ATP10D: variants seen among roughly 807,000 people sequenced by gnomAD.
The protein encoded by ATP10D is ATPase phospholipid transporting 10D (putative), also known as phospholipid-transporting ATPase VD.
In ATP10D, 89 loss-of-function variants were observed where a neutral mutation model predicts 144.8. The observed-to-expected ratio is 0.61, with a 90% CI of 0.52 to 0.73. ATP10D has a LOEUF of 0.73. ATP10D is among the 30% of genes least tolerant of loss of function. The probability of loss-of-function intolerance (pLI) is 0.00; values close to 1 mark genes in which losing one functional copy is unlikely to be tolerated. For synonymous variants in ATP10D, 571 were observed against 615.1 expected, an observed-to-expected ratio of 0.93 and a Z score of 1.06; for missense variants, 1,603 against 1,714.8, an observed-to-expected ratio of 0.93 and a Z score of 1.15.
At chr4:47,561,990 T>C (rs1719341311) in intron 14 of ATP10D, among the ~76,000 whole-genome samples, 1 of 152,184 alleles carries the variant, frequency 6.6e-6, no homozygotes, top group African/African-American at 2.4e-5. Context: ...CCCTAAGTGA[T>C]TTCTCTGTGA....
intron 3 of ATP10D, among the ~76,000 whole-genome samples, chr4:47,520,219 A>T (rs1260814527): frequency 6.6e-6 from 1 of 152,178 alleles, no homozygotes; most frequent in African/African-American, 2.4e-5. Context: ...GAAAGTAGAG[A>T]GCAGTAAGCA....
intron 9 of ATP10D, among the ~76,000 whole-genome samples, chr4:47,540,912 T>A (rs1233621707): frequency 6.6e-6 from 1 of 152,218 alleles, no homozygotes; most frequent in Non-Finnish European, 1.5e-5. Flanking sequence ...TCCATCAATT[T>A]GGGCTTGTCC....
rs746477757 is a variant in ATP10D at position 47,572,989 on chromosome 4, A to C, written c.3358A>C (p.Lys1120Gln). ...LSNMILYFFYKNVAYVNLLFW... is the reference protein window; with the variant it reads ...LSNMILYFFYQNVAYVNLLFW... ...CAACATGATTCTCTATTTTTTCTAT[A>C]AGAATGTGGTATGTAACCCCAGAGA... Residue 1120 changes from lysine (K) to glutamine (Q), a missense_variant, in exon 18 of 23, where the codon AAG becomes CAG. Physicochemically the swap from Lys to Gln is moderately conservative, Grantham distance 53. Coordinates refer to ENST00000273859, the MANE Select transcript of ATP10D (RefSeq NM_020453.4). 6 of 1,613,926 alleles carry C rather than the reference A, an allele frequency of 3.7e-6. No individual in the cohort carries two copies. The highest frequency in any genetic ancestry group is 5.1e-6 in the Non-Finnish European group (6 of 1,179,934).
At chr4:47,557,643 T>G (rs756992985) in intron 11 of ATP10D, 21 bp from the exon 12 acceptor site, 1 of 1,576,192 alleles carries the variant, frequency 6.3e-7, no homozygotes, top group Admixed American at 1.8e-5. Context: ...TATTGAGACC[T>G]TTCTAAATTG....
intron 9 of ATP10D, among the ~76,000 whole-genome samples, chr4:47,539,579 G>A (rs1718027268): frequency 6.6e-6 from 1 of 152,144 alleles, no homozygotes; most frequent in Non-Finnish European, 1.5e-5. Context: ...GCATCGCAGT[G>A]TGATTTTACT....
chr4:47,490,941 TCAGTCAGAAG>T, intron 1 of ATP10D: 5 of 507,024 alleles, frequency 9.9e-6, no homozygotes, highest in African/African-American at 2.0e-5. Context: ...TTTTTTTTTT[TCAGTCAGAAG>T]TCTTTTATTT....
Position 47,557,998 on chromosome 4 carries a change from A to G in ATP10D, c.2159A>G (p.Asn720Ser), listed in dbSNP as rs34169638. 109,312 of 1,613,968 alleles carry G rather than the reference A, an allele frequency of 0.068. 4,419 individuals carry two copies. The highest frequency in any genetic ancestry group is 0.18 in the East Asian group (8,202 of 44,850). Reference protein sequence around the residue: ...ESLPGQPLACNLCYEAESPDE... With the variant: ...ESLPGQPLACSLCYEAESPDE... ...CTCCCTGGACAGCCATTGGCCTGCA[A>G]CCTGTGTTATGAGGCCGAGAGCCCA... The change falls in exon 12 of 23, where the codon AAC becomes AGC. Residue 720 changes from asparagine (N) to serine (S), a missense_variant. Asn to Ser is a conservative substitution (Grantham distance 46, BLOSUM62 1). Coordinates refer to ENST00000273859, the MANE Select transcript of ATP10D (RefSeq NM_020453.4).
intron 4 of ATP10D, 121 bp downstream of exon 4, chr4:47,523,337 C>A: frequency 1.2e-6 from 1 of 822,202 alleles, no homozygotes; most frequent in Non-Finnish European, 1.9e-6. Context: ...GAAATAGAAT[C>A]CCAGAAGGTT....
chr4:47,509,803 T>C (rs1264893515), intron 1 of ATP10D, among the ~76,000 whole-genome samples: 2 of 152,160 alleles, frequency 1.3e-5, no homozygotes, highest in Non-Finnish European at 2.9e-5. Flanking sequence ...TTTACCAACA[T>C]GTACACTAAC....
intron 10 of ATP10D, 189 bp downstream of exon 10, chr4:47,547,051 A>T: frequency 1.7e-6 from 1 of 604,996 alleles, no homozygotes; most frequent in Non-Finnish European, 2.9e-6. Flanking sequence ...GTCTACTTTT[A>T]AAAAATAACT....
At chr4:47,514,006 A>C (rs960058754) in intron 2 of ATP10D, among the ~76,000 whole-genome samples, 2 of 152,224 alleles carry the variant, frequency 1.3e-5, no homozygotes, top group African/African-American at 4.8e-5. Flanking sequence ...AGGAGTAAAA[A>C]AGATGATGTG....
intron 1 of ATP10D, among the ~76,000 whole-genome samples, chr4:47,512,234 A>G (rs1217334561): frequency 6.6e-6 from 1 of 152,220 alleles, no homozygotes; most frequent in East Asian, 1.9e-4. Context: ...GACTTGCACA[A>G]ATTAAGCCCA....
At chr4:47,541,125 A>T (rs1172424703) in intron 9 of ATP10D, among the ~76,000 whole-genome samples, 1 of 152,158 alleles carries the variant, frequency 6.6e-6, no homozygotes, top group Non-Finnish European at 1.5e-5. Flanking sequence ...TATCTATCTC[A>T]TTGGATGGTT....
chr4:47,519,206 C>T (rs1716826752), intron 3 of ATP10D, among the ~76,000 whole-genome samples: 2 of 152,190 alleles, frequency 1.3e-5, no homozygotes, highest in South Asian at 2.1e-4. Flanking sequence ...ACATTCCCCA[C>T]CCTTCATTCT....
intron 22 of ATP10D, among the ~76,000 whole-genome samples, chr4:47,588,567 C>A (rs1020719323): frequency 6.6e-6 from 1 of 152,142 alleles, no homozygotes; most frequent in African/African-American, 2.4e-5. Flanking sequence ...TACTATCCAG[C>A]CCTTTACAGA....
At position 47,587,186 on chromosome 4, in the gene ATP10D, G is replaced by A. The variant is rs1316874; in HGVS notation, c.3921G>A (p.Thr1307=). The stretch of plus-strand genomic sequence containing the variant: ...TCTACTTAGTTTGTATCCTCACGAC[G>A]TCCATTGCTCTTCTGCCCAGGTATG... ...PVFYLVCILT[T]SIALLPRFVY... is the part of the protein sequence containing the mutation. The change falls in exon 22 of 23, where the codon ACG becomes ACA. Residue 1307 remains threonine, a synonymous_variant. Coordinates refer to ENST00000273859, the MANE Select transcript of ATP10D (RefSeq NM_020453.4). 168,856 of 1,612,644 alleles carry A rather than the reference G, an allele frequency of 0.1. 12,814 individuals are homozygous for A. Among genetic ancestry groups the A allele is most frequent in the East Asian group, 0.48 (21,476 of 44,838 alleles).
intron 17 of ATP10D, 148 bp from the exon 18 acceptor site, chr4:47,572,724 C>A: frequency 1.0e-6 from 1 of 956,440 alleles, no homozygotes; most frequent in Non-Finnish European, 1.6e-6. Context: ...AGCTCATAAT[C>A]CAAAAAACTG....
chr4:47,556,420 C>A (rs191093410), intron 11 of ATP10D, among the ~76,000 whole-genome samples: 168 of 152,248 alleles, frequency 1.1e-3, no homozygotes, highest in Non-Finnish European at 1.4e-3. Flanking sequence ...TTCTTTTCCC[C>A]AAAAAATATT....
chr4:47,591,200 C>A lies in ATP10D; in HGVS notation c.4100C>A (p.Ser1367Ter), dbSNP rs759845867. The change falls in exon 23 of 23, where the codon TCA (serine) becomes TAA (stop). Residue 1367 changes from serine to a stop codon, truncating the protein, a stop_gained. Coordinates refer to ENST00000273859, the MANE Select transcript of ATP10D (RefSeq NM_020453.4). LOFTEE classifies it low-confidence loss of function (END_TRUNC). Reference protein sequence around the residue: ...NQVTSKYANQSAGKSGRRPMP... With the variant: ...NQVTSKYANQ ...GTGACATCAAAGTATGCTAACCAATCAGCTGGCAAGTCAGGAAGAAGACCC... is the reference window on the plus strand; with the variant it reads ...GTGACATCAAAGTATGCTAACCAATAAGCTGGCAAGTCAGGAAGAAGACCC... 29 of 1,613,590 alleles carry A rather than the reference C, an allele frequency of 1.8e-5. No individual in the cohort carries two copies. The highest frequency in any genetic ancestry group is 2.4e-5 in the Non-Finnish European group (28 of 1,179,624).
Sources: gnomAD v4.1 joint callset for allele counts (sites outside exome capture counted in the v4.1 genomes callset) on GRCh38, gnomAD v4.1.1 for gene constraint, MANE v1.5 for transcripts, NCBI Gene and HGNC (gene_info 2026-07-23, HGNC 2026-07-21) for gene names.